The following A4GALT variants were observed in gnomAD, a reference collection of about 807,000 sequenced individuals.
The protein encoded by A4GALT is alpha 1,4-galactosyltransferase (P1PK blood group).
For missense variants in A4GALT, 512 were observed against 486.0 expected (o/e 1.05, Z -0.50); for synonymous variants, 257 against 220.7 (o/e 1.16, Z -1.46).
intron 1 of A4GALT, chr22:42,718,477 C>T (rs1602032413): frequency 6.6e-6 from 1 of 152,066 alleles, no homozygotes; most frequent in African/African-American, 2.4e-5. Context: ...GTTGGCCAGG[C>T]TGGTCTCGAA....
intron 1 of A4GALT, among the ~76,000 whole-genome samples, chr22:42,702,765 C>T (rs5751343): frequency 2.0e-4 from 28 of 139,216 alleles, no homozygotes; most frequent in Admixed American, 1.8e-3. Context: ...AGCCTTCGTG[C>T]AGATAAGGTG....
chr22:42,700,505 T>G (rs1199240808), intron 1 of A4GALT, among the ~76,000 whole-genome samples: 1 of 152,166 alleles, frequency 6.6e-6, no homozygotes, highest in Non-Finnish European at 1.5e-5. Flanking sequence ...TGACCACGAC[T>G]GGATACTGCT....
intron 1 of A4GALT, among the ~76,000 whole-genome samples, chr22:42,711,738 A>T (rs1921715293): frequency 1.3e-5 from 2 of 151,742 alleles, no homozygotes. Flanking sequence ...GGTTGAAGAG[A>T]TTCTCCTGCC....
At position 42,709,067 on chromosome 22, in the gene A4GALT, A is replaced by ATT. The variant is rs71186522; in HGVS notation, c.-188+11728_-188+11729dup. 3.0e-3 allele frequency among the ~76,000 whole-genome samples: 390 copies of ATT among 128,824 alleles called. 3 individuals are homozygous for ATT. The highest frequency in any genetic ancestry group is 0.01 in the African/African-American group (367 of 35,592). 84.5% of individuals were successfully genotyped at this position (128,824 alleles called of 152,430 possible). ...AATTTAAATATATATATATATATAT[A>ATT]TTTTTTTTAAGACAGGGTCTGCTGT... On this transcript the variant is annotated intron_variant, in intron 1 of 2. Coordinates refer to ENST00000642412, the MANE Select transcript of A4GALT (RefSeq NM_017436.7).
chr22:42,703,381 G>A (rs890531911), intron 1 of A4GALT, among the ~76,000 whole-genome samples: 4 of 150,942 alleles, frequency 2.7e-5, no homozygotes, highest in Admixed American at 1.3e-4. Flanking sequence ...TCAGCCTCCC[G>A]AGTAGCTGGG....
At chr22:42,703,426 T>C (rs1291035095) in intron 1 of A4GALT, among the ~76,000 whole-genome samples, 3 of 151,926 alleles carry the variant, frequency 2.0e-5, no homozygotes. Flanking sequence ...TGGCTAATTT[T>C]TGTATTTTTA....
At chr22:42,699,698 G>A (rs531106279) in intron 1 of A4GALT, among the ~76,000 whole-genome samples, 1 of 152,338 alleles carries the variant, frequency 6.6e-6, no homozygotes, top group South Asian at 2.1e-4. Flanking sequence ...CTCTGCAGCT[G>A]GGGTGGCCAT....
chr22:42,703,765 G>A (rs140860534), intron 1 of A4GALT, among the ~76,000 whole-genome samples: 168 of 152,190 alleles, frequency 1.1e-3, no homozygotes, highest in Admixed American at 2.4e-3. Flanking sequence ...ATGGGCACCT[G>A]CTGCTAACTG....
intron 1 of A4GALT, among the ~76,000 whole-genome samples, chr22:42,707,421 CG>C (rs777676591): frequency 1.4e-4 from 21 of 151,484 alleles, no homozygotes; most frequent in Non-Finnish European, 2.5e-4. Context: ...TTTGAGAGGC[CG>C]AGGCAGTCGG....
intron 1 of A4GALT, among the ~76,000 whole-genome samples, chr22:42,709,067 A>ATATATATATCTTTTT (rs1180529043): frequency 1.6e-5 from 2 of 128,806 alleles, no homozygotes; most frequent in Non-Finnish European, 3.3e-5. Flanking sequence ...ATATATATAT[A>ATATATATATCTTTTT]TTTTTTTTAA....
At chr22:42,709,289 C>T (rs549423449) in intron 1 of A4GALT, among the ~76,000 whole-genome samples, 1 of 146,758 alleles carries the variant, frequency 6.8e-6, no homozygotes, top group East Asian at 2.0e-4. Flanking sequence ...TAGGCTCCCA[C>T]CTGCCTTGGC....
In A4GALT at chr22:42,692,306, G is replaced by A. The variant is rs977057847; in HGVS notation, c.*584C>T. ...TCTGGAGAGGAAGAAGGATGGGGTG[G>A]GCAGAAGGGGCTGCCCCCAAACGGC... On this transcript the variant is annotated 3_prime_UTR_variant, in exon 3 of 3. Coordinates refer to ENST00000642412, the MANE Select transcript of A4GALT (RefSeq NM_017436.7). This position sits in a 1 kb window ranked among gnomAD's most constrained non-coding sequence, Gnocchi z 4.6. 3.9e-6 allele frequency: 1 copy of A among 258,268 alleles called. No homozygotes were observed. The highest frequency in any genetic ancestry group is 1.0e-4 in the East Asian group (1 of 9,902). 16.0% of individuals were successfully genotyped at this position (258,268 alleles called of 1,614,324 possible). A position where few individuals can be genotyped will look rare whatever the true frequency, so the allele number is the denominator to read the frequency against.
Position 42,692,520 on chromosome 22 carries a change from C to G in A4GALT, c.*370G>C. ...CCTCTCCTCTCTGGGAATCTTGTCC[C>G]TTCTTCCCCATCCCCTTAGCACCGG... On this transcript the variant is annotated 3_prime_UTR_variant, in exon 3 of 3. Coordinates refer to ENST00000642412, the MANE Select transcript of A4GALT (RefSeq NM_017436.7). The surrounding 1 kb of genome is among the most constrained non-coding windows in gnomAD (Gnocchi z 4.6). The G allele has an allele frequency of 5.1e-6, 2 of 395,006 alleles. No individual in the cohort carries two copies. Among genetic ancestry groups the G allele is most frequent in the Non-Finnish European group, 1.0e-5 (2 of 199,556 alleles). The allele number at this position is 395,006 out of a possible 1,614,324, so 24.5% of individuals were successfully genotyped here.
At position 42,693,965 on chromosome 22, in the gene A4GALT, C is replaced by T. The variant is rs1359055518; in HGVS notation, c.-14G>A. ...GGGCTTGGACATGGTATCCCCAGATCAGACCAGGAGCTTCCAGCAGGAACC... is the reference window on the plus strand; with the variant it reads ...GGGCTTGGACATGGTATCCCCAGATTAGACCAGGAGCTTCCAGCAGGAACC... On this transcript the variant is annotated 5_prime_UTR_variant, in exon 3 of 3. Coordinates refer to ENST00000642412, the MANE Select transcript of A4GALT (RefSeq NM_017436.7). The T allele has an allele frequency of 6.4e-7, 1 of 1,565,196 alleles. No individual in the cohort carries two copies. Among genetic ancestry groups the T allele is most frequent in the South Asian group, 1.2e-5 (1 of 85,544 alleles).
Position 42,693,692 on chromosome 22 carries a change from C to T in A4GALT, c.260G>A (p.Arg87Gln), listed in dbSNP as rs141165532. ...CATGAACAGGAAGTTGGGGTTGGTCCGGTCTGAAGTCTCCAGGAAGAAGAT... is the reference window on the plus strand; with the variant it reads ...CATGAACAGGAAGTTGGGGTTGGTCTGGTCTGAAGTCTCCAGGAAGAAGAT... ...GNIFFLETSD[R>Q]TNPNFLFMCS... The change falls in exon 3 of 3, where the codon CGG becomes CAG. Residue 87 changes from arginine to glutamine, a missense_variant. Arg to Gln is a conservative substitution (Grantham distance 43). Transcript: ENST00000642412. 6 of 1,334,408 alleles carry T rather than the reference C, an allele frequency of 4.5e-6. No individual in the cohort carries two copies. Among genetic ancestry groups the T allele is most frequent in the South Asian group, 1.1e-5 (1 of 87,028 alleles). 82.7% of individuals were successfully genotyped at this position (1,334,408 alleles called of 1,614,324 possible). A position where few individuals can be genotyped will look rare whatever the true frequency, so the allele number is the denominator to read the frequency against.
At chr22:42,701,907 C>T (rs968037058) in intron 1 of A4GALT, among the ~76,000 whole-genome samples, 5 of 152,160 alleles carry the variant, frequency 3.3e-5, no homozygotes, top group South Asian at 4.1e-4. Context: ...TGTCATGACA[C>T]GTGGATCCCA....
intron 1 of A4GALT, among the ~76,000 whole-genome samples, chr22:42,698,172 C>T (rs13056237): frequency 2.1e-3 from 316 of 150,772 alleles, no homozygotes; most frequent in Non-Finnish European, 3.6e-3. Context: ...CGCTTGAACT[C>T]GGGAGGCAGA....
chr22:42,710,286 A>G (rs1270929128), intron 1 of A4GALT, among the ~76,000 whole-genome samples: 2 of 152,264 alleles, frequency 1.3e-5, no homozygotes, highest in Non-Finnish European at 2.9e-5. Flanking sequence ...AGATGGTAGT[A>G]TAAACACACA....
intron 1 of A4GALT, among the ~76,000 whole-genome samples, chr22:42,719,985 T>G (rs539470940): frequency 6.6e-6 from 1 of 152,232 alleles, no homozygotes; most frequent in African/African-American, 2.4e-5. Context: ...GGTGGGAACT[T>G]GTCCCTCCGG....
Sources: allele counts gnomAD v4.1 joint callset (sites outside exome capture counted in the v4.1 genomes callset), GRCh38; gene constraint gnomAD v4.1.1; non-coding constraint Gnocchi (gnomAD v3.1); transcripts MANE v1.5; gene names NCBI Gene and HGNC (gene_info 2026-07-23, HGNC 2026-07-21).